Variants in RBMS3 observed in about 807,000 individuals in gnomAD.
RBMS3 encodes the protein RNA-binding motif, single-stranded-interacting protein 3.
RBMS3 carries 27 observed loss-of-function variants against 66.8 expected under a neutral mutation model. That is an observed-to-expected ratio of 0.40 (90% CI 0.30 to 0.56). The LOEUF (loss-of-function observed/expected upper bound fraction) is 0.56, where lower values mean the gene tolerates loss of function less well. Ranked by LOEUF, RBMS3 falls within the 20% of genes least tolerant of loss-of-function variation. The pLI, the probability that RBMS3 is intolerant of heterozygous loss-of-function variation, is 0.40. For synonymous variants in RBMS3, 188 were observed against 183.0 expected (o/e 1.03, Z -0.22); for missense variants, 513 against 549.5 (o/e 0.93, Z 0.66).
chr3:29,410,939 G>A (rs1196599176), intron 1 of RBMS3, among the ~76,000 whole-genome samples: 1 of 145,956 alleles, frequency 6.9e-6, no homozygotes, highest in African/African-American at 2.6e-5. Flanking sequence ...TGCTGGAAAT[G>A]ACTTCATGAT....
intron 2 of RBMS3, among the ~76,000 whole-genome samples, chr3:29,474,438 C>T (rs1309601490): frequency 1.3e-5 from 2 of 152,194 alleles, no homozygotes. Flanking sequence ...AAAAGAAACA[C>T]AGCTTCCCTA....
At chr3:29,525,298 C>T (rs1423066435) in intron 3 of RBMS3, among the ~76,000 whole-genome samples, 1 of 152,056 alleles carries the variant, frequency 6.6e-6, no homozygotes, top group East Asian at 1.9e-4. Context: ...ATAAAAAGGC[C>T]ATGGTTAGCC....
At chr3:29,912,033 G>A (rs1345415437) in intron 10 of RBMS3, among the ~76,000 whole-genome samples, 1 of 151,978 alleles carries the variant, frequency 6.6e-6, no homozygotes, top group East Asian at 1.9e-4. Context: ...GTGGATAGAT[G>A]ATGAATGAAT....
chr3:29,864,853 G>T lies in RBMS3; in HGVS notation c.638-4005G>T, dbSNP rs1048489104. Reference sequence around the variant, plus strand: ...GAAGGGAAGGGAAGGGAAGGGAAAGGGAAGGGGAAGGGGAAGAGAAGGAGG... The same window carrying T: ...GAAGGGAAGGGAAGGGAAGGGAAAGTGAAGGGGAAGGGGAAGAGAAGGAGG... On this transcript the variant is annotated intron_variant, in intron 6 of 14. Coordinates refer to ENST00000383767, the MANE Select transcript of RBMS3 (RefSeq NM_001003793.3). Among the ~76,000 whole-genome samples, 7 of 145,238 alleles carry T rather than the reference G, an allele frequency of 4.8e-5. No individual in the cohort carries two copies. In the East Asian group the frequency reaches 6.2e-4, roughly 13 times the overall value.
intron 1 of RBMS3, among the ~76,000 whole-genome samples, chr3:29,322,624 G>GA (rs570964414): frequency 0.2 from 29,149 of 146,516 alleles, 2,941 homozygotes; most frequent in Non-Finnish European, 0.24. Flanking sequence ...TTTCACATAC[G>GA]AAAAAAAAAA....
intron 6 of RBMS3, among the ~76,000 whole-genome samples, chr3:29,820,442 A>G (rs907026305): frequency 2.0e-5 from 3 of 151,954 alleles, no homozygotes; most frequent in Non-Finnish European, 4.4e-5. Flanking sequence ...TCTATTTGAT[A>G]GATTCCATGT....
chr3:29,525,883 G>C lies in RBMS3; in HGVS notation c.307+37384G>C, dbSNP rs117162321. Among the ~76,000 whole-genome samples the C allele has an allele frequency of 4.0e-3, 603 of 152,198 alleles. 27 individuals carry two copies. In the East Asian group the frequency reaches 0.1, roughly 26 times the overall value. ...TTAGTATCATTATCTCAGTGCTTAT[G>C]CTATTATCTCTGAAGTGTTGTTTTC... On this transcript the variant is annotated intron_variant, in intron 3 of 14. Transcript: ENST00000383767.
chr3:29,966,323 T>C (rs1269693018), intron 12 of RBMS3, among the ~76,000 whole-genome samples: 1 of 152,210 alleles, frequency 6.6e-6, no homozygotes, highest in Non-Finnish European at 1.5e-5. Context: ...ATTTTCACAA[T>C]ATTGATTCTA....
At chr3:29,430,183 C>T (rs532183422) in intron 1 of RBMS3, among the ~76,000 whole-genome samples, 28 of 151,322 alleles carry the variant, frequency 1.9e-4, no homozygotes, top group Admixed American at 1.2e-3. Context: ...TAATGCTGAC[C>T]GCTACCTGAA....
chr3:29,610,929 A>G lies in RBMS3; in HGVS notation c.399+23724A>G, dbSNP rs1379525. Among the ~76,000 whole-genome samples, 1,034 of 150,028 alleles carry G rather than the reference A, an allele frequency of 6.9e-3. 28 individuals carry two copies. Among genetic ancestry groups the G allele is most frequent in the Admixed American group, 0.056 (832 of 14,944 alleles). Reference sequence around the variant, plus strand: ...TGACCTTTCTGCCTTTCCTTAAGGGAAAAAAAAAATCATCCTTCTTCTTAT... The same window carrying G: ...TGACCTTTCTGCCTTTCCTTAAGGGGAAAAAAAAATCATCCTTCTTCTTAT... On this transcript the variant is annotated intron_variant, in intron 4 of 14. Coordinates refer to ENST00000383767, the MANE Select transcript of RBMS3 (RefSeq NM_001003793.3).
intron 10 of RBMS3, among the ~76,000 whole-genome samples, chr3:29,930,133 A>C (rs1255823466): frequency 1.9e-4 from 1 of 5,130 alleles, no homozygotes; most frequent in Admixed American, 1.7e-3. Context: ...TTTTTTTGAG[A>C]TGGAGTCTCG....
At chr3:29,803,535 A>G (rs2057452813) in intron 6 of RBMS3, among the ~76,000 whole-genome samples, 1 of 152,144 alleles carries the variant, frequency 6.6e-6, no homozygotes, top group Non-Finnish European at 1.5e-5. Context: ...CTACCTTAAT[A>G]TAGTCACAGT....
At chr3:29,410,024 G>A (rs1033774929) in intron 1 of RBMS3, among the ~76,000 whole-genome samples, 3 of 152,254 alleles carry the variant, frequency 2.0e-5, no homozygotes, top group African/African-American at 7.2e-5. Flanking sequence ...TAATGAGATT[G>A]TACTAGAGTC....
intron 3 of RBMS3, among the ~76,000 whole-genome samples, chr3:29,583,550 G>C (rs1049804559): frequency 6.6e-6 from 1 of 151,104 alleles, no homozygotes; most frequent in African/African-American, 2.4e-5. Context: ...CAGTACCTGG[G>C]GTAATACAAT....
chr3:29,460,503 G>C (rs1037439208), intron 2 of RBMS3, among the ~76,000 whole-genome samples: 16 of 152,100 alleles, frequency 1.1e-4, no homozygotes, highest in Non-Finnish European at 2.1e-4. Context: ...TCTGGGGTGA[G>C]GTCTATGAAT....
chr3:29,473,771 C>T (rs116028364), intron 2 of RBMS3, among the ~76,000 whole-genome samples: 3,400 of 152,320 alleles, frequency 0.022, 133 homozygotes, highest in African/African-American at 0.078. Flanking sequence ...TGCCCGGGGC[C>T]GGCAGGGCCG....
At chr3:29,689,372 A>G (rs985438603) in intron 4 of RBMS3, among the ~76,000 whole-genome samples, 8 of 152,084 alleles carry the variant, frequency 5.3e-5, no homozygotes, top group Admixed American at 4.6e-4. Flanking sequence ...TTCTTTATTC[A>G]TTTTTTAAAG....
At chr3:29,417,494 C>G (rs2040527283) in intron 1 of RBMS3, among the ~76,000 whole-genome samples, 1 of 151,962 alleles carries the variant, frequency 6.6e-6, no homozygotes, top group South Asian at 2.1e-4. Context: ...TCTTAATTCT[C>G]TAATTATTAT....
intron 4 of RBMS3, among the ~76,000 whole-genome samples, chr3:29,592,416 A>G (rs1346443842): frequency 6.6e-6 from 1 of 152,222 alleles, no homozygotes; most frequent in East Asian, 1.9e-4. Context: ...AATGCTCATT[A>G]TCACTGGCCA....
Sources: gnomAD v4.1 joint callset for allele counts (sites outside exome capture counted in the v4.1 genomes callset) on GRCh38, gnomAD v4.1.1 for gene constraint, MANE v1.5 for transcripts, NCBI Gene and HGNC (gene_info 2026-07-23, HGNC 2026-07-21) for gene names.